The following RNF175 variants were observed in gnomAD, a reference collection of about 807,000 sequenced individuals.
RNF175 encodes the protein ring finger protein 175.
Under a neutral mutation model 50.0 loss-of-function variants are expected in RNF175, and 38 were observed. The ratio of observed to expected loss-of-function variants is 0.76; its 90% CI spans 0.59 to 1.00. The LOEUF is 1.00. Ranked by LOEUF, RNF175 falls within the 50% of genes least tolerant of loss-of-function variation. The probability of loss-of-function intolerance (pLI) is 0.00; values close to 1 mark genes in which losing one functional copy is unlikely to be tolerated. For synonymous variants in RNF175, 155 were observed against 146.1 expected (o/e 1.06, Z -0.44); for missense variants, 388 against 409.6 (o/e 0.95, Z 0.46).
intron 3 of RNF175, among the ~76,000 whole-genome samples, chr4:153,742,474 C>T (rs1216080506): frequency 2.6e-5 from 4 of 152,134 alleles, no homozygotes; most frequent in Non-Finnish European, 4.4e-5. Flanking sequence ...CATATGATTA[C>T]GTTTGCACAA....
At chr4:153,733,106 A>G (rs1340143722) in intron 3 of RNF175, among the ~76,000 whole-genome samples, 1 of 152,192 alleles carries the variant, frequency 6.6e-6, no homozygotes, top group African/African-American at 2.4e-5. Context: ...AGACCGCAGA[A>G]CATAATCTAT....
intron 7 of RNF175, chr4:153,715,279 C>T (rs1737834051): frequency 3.8e-6 from 2 of 524,106 alleles, no homozygotes; most frequent in Non-Finnish European, 3.5e-6. Context: ...CAGATACTGC[C>T]TTCCTGTCTA....
chr4:153,759,851 C>T lies in RNF175; in HGVS notation c.12G>A (p.Gly4=), dbSNP rs1428893946. 22 of 1,458,548 alleles carry T rather than the reference C, an allele frequency of 1.5e-5. No individual in the cohort carries two copies. The allele number at this position is 1,458,548 out of a possible 1,614,324, so 90.4% of individuals were successfully genotyped here. A position where few individuals can be genotyped will look rare whatever the true frequency, so the allele number is the denominator to read the frequency against. Reference sequence around the variant, plus strand: ...CCGGCGCTGCCTTCCGCGCCGCCGTCCCCGCGGCCATGCCTGAGCCACTGT... The same window carrying T: ...CCGGCGCTGCCTTCCGCGCCGCCGTTCCCGCGGCCATGCCTGAGCCACTGT... MAA[G]TAARKAAPVL... Residue 4 remains glycine, a synonymous_variant, in exon 1 of 9, where the codon GGG becomes GGA. Transcript: ENST00000347063.
At chr4:153,730,204 G>A (rs1738951518) in intron 3 of RNF175, among the ~76,000 whole-genome samples, 1 of 152,148 alleles carries the variant, frequency 6.6e-6, no homozygotes, top group African/African-American at 2.4e-5. Context: ...CAGCAGTTTG[G>A]GAGGCGGGGG....
At chr4:153,757,865 G>A (rs1245449756) in intron 1 of RNF175, among the ~76,000 whole-genome samples, 1 of 152,084 alleles carries the variant, frequency 6.6e-6, no homozygotes, top group African/African-American at 2.4e-5. Flanking sequence ...ATAGGGAGAT[G>A]GTGTTTGTCC....
intron 3 of RNF175, among the ~76,000 whole-genome samples, chr4:153,745,474 C>T (rs116630435): frequency 1.9e-3 from 288 of 152,306 alleles, no homozygotes; most frequent in African/African-American, 6.8e-3. Context: ...TCTGTGAAAA[C>T]GAAATCTTGC....
At chr4:153,745,956 G>T (rs1229280729) in intron 3 of RNF175, among the ~76,000 whole-genome samples, 2 of 152,170 alleles carry the variant, frequency 1.3e-5, no homozygotes, top group Admixed American at 6.5e-5. Flanking sequence ...ACAGCATTCT[G>T]CTCTGGCTCC....
At chr4:153,728,182 G>T in intron 4 of RNF175, 25 bp downstream of exon 4, 1 of 1,541,200 alleles carries the variant, frequency 6.5e-7, no homozygotes, top group Non-Finnish European at 8.8e-7. Flanking sequence ...GGGGCTCCTG[G>T]GGAAGGAATG....
rs374437854 is a variant in RNF175 at position 153,716,021 on chromosome 4, G to A, written c.631-359C>T. On this transcript the variant is annotated intron_variant, in intron 6 of 8. Coordinates refer to ENST00000347063, the MANE Select transcript of RNF175 (RefSeq NM_173662.4). ...GGAGGTTGCAGTGAGCTGAGATTGCGCCACTGCACTCTAGCCTGGGTGACA... is the reference window on the plus strand; with the variant it reads ...GGAGGTTGCAGTGAGCTGAGATTGCACCACTGCACTCTAGCCTGGGTGACA... Among the ~76,000 whole-genome samples, 135 of 140,570 alleles carry A rather than the reference G, an allele frequency of 9.6e-4. 1 individual carries two copies. The highest frequency in any genetic ancestry group is 2.9e-3 in the African/African-American group (107 of 36,426). 92.2% of individuals were successfully genotyped at this position (140,570 alleles called of 152,430 possible).
intron 1 of RNF175, among the ~76,000 whole-genome samples, chr4:153,757,192 G>A (rs1290403078): frequency 6.6e-6 from 1 of 152,150 alleles, no homozygotes; most frequent in Non-Finnish European, 1.5e-5. Context: ...CCCTTTCGGT[G>A]AGGCCCCTAC....
At chr4:153,751,576 TGTCACATA>T in intron 1 of RNF175, 101 bp from the exon 2 acceptor site, 1 of 771,158 alleles carries the variant, frequency 1.3e-6, no homozygotes, top group Non-Finnish European at 2.1e-6. Context: ...AAAATAACAA[TGTCACATA>T]GTATTTGAAT....
chr4:153,745,665 TCA>T (rs1269217470), intron 3 of RNF175: 1 of 152,290 alleles, frequency 6.6e-6, no homozygotes, highest in Non-Finnish European at 1.5e-5. Context: ...AATTTATTTC[TCA>T]CAGTTCTGGA....
chr4:153,751,610 T>C (rs1029520789), intron 1 of RNF175, 135 bp from the exon 2 acceptor site: 24 of 647,450 alleles, frequency 3.7e-5, no homozygotes, highest in Non-Finnish European at 6.4e-5. Flanking sequence ...GGGATAAAAG[T>C]CCTAGTAAAA....
chr4:153,743,545 T>C (rs11099896), intron 3 of RNF175, among the ~76,000 whole-genome samples: 2 of 151,830 alleles, frequency 1.3e-5, no homozygotes, highest in Non-Finnish European at 2.9e-5. Flanking sequence ...TTGACTATGG[T>C]GGGGGCAACT....
chr4:153,741,441 G>T (rs1470767777), intron 3 of RNF175, among the ~76,000 whole-genome samples: 3 of 152,168 alleles, frequency 2.0e-5, no homozygotes, highest in Non-Finnish European at 4.4e-5. Context: ...TGGCTCCCAG[G>T]AGTTTCTCAC....
intron 3 of RNF175, among the ~76,000 whole-genome samples, chr4:153,746,937 C>CT (rs1740008184): frequency 6.6e-6 from 1 of 152,232 alleles, no homozygotes; most frequent in African/African-American, 2.4e-5. Flanking sequence ...ACAGGTTGAG[C>CT]TGCACCTGGG....
At chr4:153,719,224 T>C (rs1031429372) in intron 6 of RNF175, among the ~76,000 whole-genome samples, 23 of 152,156 alleles carry the variant, frequency 1.5e-4, no homozygotes, top group African/African-American at 5.6e-4. Flanking sequence ...TCTGTTCCTG[T>C]GTTAGTTTGC....
At chr4:153,712,964 C>CT (rs1737691814) in intron 7 of RNF175, 1 of 162,978 alleles carries the variant, frequency 6.1e-6, no homozygotes, top group African/African-American at 2.4e-5. Context: ...CTCTGTTCTA[C>CT]TTTTTGTGCA....
chr4:153,711,505 C>T (rs1280486032), intron 8 of RNF175, among the ~76,000 whole-genome samples: 1 of 152,142 alleles, frequency 6.6e-6, no homozygotes, highest in African/African-American at 2.4e-5. Flanking sequence ...TGCCAGTAGC[C>T]ATTGTTAAAC....
Sources: gnomAD v4.1 joint callset for allele counts (sites outside exome capture counted in the v4.1 genomes callset) on GRCh38, gnomAD v4.1.1 for gene constraint, MANE v1.5 for transcripts, NCBI Gene and HGNC (gene_info 2026-07-23, HGNC 2026-07-21) for gene names.